The following BAZ2B variants were observed in gnomAD, a reference collection of about 807,000 sequenced individuals.
BAZ2B encodes bromodomain adjacent to zinc finger domain 2B.
BAZ2B carries 91 observed loss-of-function variants against 246.0 expected under a neutral mutation model. The ratio of observed to expected loss-of-function variants is 0.37; its 90% CI spans 0.31 to 0.44. The LOEUF (loss-of-function observed/expected upper bound fraction) is 0.44, where lower values mean the gene tolerates loss of function less well. Among genes scored for constraint, BAZ2B ranks in the 20% least tolerant of loss-of-function variants. The probability of loss-of-function intolerance (pLI) is 1.00; values close to 1 mark genes in which losing one functional copy is unlikely to be tolerated. For missense variants in BAZ2B, 2,332 were observed against 2,533.7 expected, an observed-to-expected ratio of 0.92 and a Z score of 1.71; for synonymous variants, 855 against 860.0, an observed-to-expected ratio of 0.99 and a Z score of 0.10.
intron 6 of BAZ2B, among the ~76,000 whole-genome samples, chr2:159,446,404 T>A (rs1218695345): frequency 6.6e-6 from 1 of 152,220 alleles, no homozygotes; most frequent in African/African-American, 2.4e-5. Flanking sequence ...GTTTTCTTAT[T>A]CACTCTTTTC....
intron 1 of BAZ2B, among the ~76,000 whole-genome samples, chr2:159,557,730 C>T (rs2089363070): frequency 1.3e-5 from 2 of 152,160 alleles, no homozygotes; most frequent in African/African-American, 4.8e-5. Context: ...AGCTAATTAG[C>T]TACTGAATGA....
At chr2:159,354,826 A>C (rs1002205961) in intron 27 of BAZ2B, among the ~76,000 whole-genome samples, 6 of 152,238 alleles carry the variant, frequency 3.9e-5, no homozygotes, top group African/African-American at 1.2e-4. Context: ...AGAAGAAAGA[A>C]GAGGAAGGCA....
At chr2:159,616,707 C>T (rs1320254211), upstream of BAZ2B, 1 of 152,206 alleles carries the variant, frequency 6.6e-6, no homozygotes, top group Non-Finnish European at 1.5e-5. Flanking sequence ...GTTGCTTCTT[C>T]TTTCCAAGAA....
intron 2 of BAZ2B, among the ~76,000 whole-genome samples, chr2:159,503,502 T>C (rs193074809): frequency 6.0e-4 from 91 of 152,342 alleles, no homozygotes; most frequent in African/African-American, 2.0e-3. Context: ...GTTAATCTTG[T>C]GTATTCCCTA....
intron 2 of BAZ2B, among the ~76,000 whole-genome samples, chr2:159,506,160 C>T (rs1300266529): frequency 6.6e-6 from 1 of 152,094 alleles, no homozygotes; most frequent in Non-Finnish European, 1.5e-5. Flanking sequence ...GCAGGACCTC[C>T]ACCCCTCCGA....
chr2:159,363,917 A>G (rs1157123425), intron 27 of BAZ2B, among the ~76,000 whole-genome samples: 1 of 152,138 alleles, frequency 6.6e-6, no homozygotes, highest in East Asian at 1.9e-4. Flanking sequence ...ACACAAACTG[A>G]TAAGATCTAA....
intron 3 of BAZ2B, among the ~76,000 whole-genome samples, chr2:159,455,733 G>C (rs1038667702): frequency 5.1e-5 from 7 of 137,560 alleles, no homozygotes; most frequent in African/African-American, 1.8e-4. Flanking sequence ...TTATCTTTAA[G>C]ACCAGTGATA....
intron 27 of BAZ2B, among the ~76,000 whole-genome samples, chr2:159,367,652 G>A (rs1262961757): frequency 3.3e-5 from 5 of 152,194 alleles, no homozygotes; most frequent in East Asian, 3.9e-4. Context: ...TTGGGAGGCC[G>A]AGGTAGGCAG....
At chr2:159,544,764 G>A (rs780988166) in intron 2 of BAZ2B, among the ~76,000 whole-genome samples, 7 of 152,162 alleles carry the variant, frequency 4.6e-5, no homozygotes, top group Admixed American at 2.0e-4. Flanking sequence ...GTGGCACTTC[G>A]AGAAAAGGAA....
At chr2:159,649,663 T>C in the BAZ2B span, among the ~76,000 whole-genome samples, 1 of 152,034 alleles carries the variant, frequency 6.6e-6, no homozygotes, top group Non-Finnish European at 1.5e-5. Context: ...TGTGAACAAT[T>C]TGATGGTGAC....
At chr2:159,656,055 C>T in the BAZ2B span, among the ~76,000 whole-genome samples, 1 of 151,986 alleles carries the variant, frequency 6.6e-6, no homozygotes, top group African/African-American at 2.4e-5. Flanking sequence ...TGTAGCAACT[C>T]TAAATTCTGT....
At chr2:159,654,199 C>T in the BAZ2B span, among the ~76,000 whole-genome samples, 2 of 152,110 alleles carry the variant, frequency 1.3e-5, no homozygotes, top group East Asian at 1.9e-4. Context: ...CCCAACTGCA[C>T]GGAGTAATAT....
chr2:159,380,551 G>T (rs2061881047), intron 25 of BAZ2B, among the ~76,000 whole-genome samples: 1 of 152,148 alleles, frequency 6.6e-6, no homozygotes, highest in Non-Finnish European at 1.5e-5. Context: ...CCTCTGGAAG[G>T]CCTTCTTACA....
rs560826653 is a variant in BAZ2B at position 159,593,736 on chromosome 2, T to C, written c.-46+22506A>G. ...CTGCCTGTTAGTCACCTAATAGTTG[T>C]CTAGTTATTAGATTGACAAAACATA... On this transcript the variant is annotated intron_variant, in intron 1 of 36. Coordinates refer to ENST00000392783, the MANE Select transcript of BAZ2B (RefSeq NM_013450.4). Among the ~76,000 whole-genome samples the C allele has an allele frequency of 5.3e-5, 8 of 152,322 alleles. No individual in the cohort carries two copies. In the East Asian group the frequency reaches 7.7e-4, roughly 15 times the overall value.
intron 1 of BAZ2B, among the ~76,000 whole-genome samples, chr2:159,603,312 AC>A (rs1266123948): frequency 1.3e-5 from 2 of 152,176 alleles, no homozygotes; most frequent in Non-Finnish European, 2.9e-5. Context: ...AAAAATACAT[AC>A]ATTTTAAAAA....
At chr2:159,332,852 T>C (rs2065009267) in intron 33 of BAZ2B, 166 bp from the exon 34 acceptor site, 3 of 753,170 alleles carry the variant, frequency 4.0e-6, no homozygotes, top group Non-Finnish European at 4.2e-6. Context: ...TACACAGATA[T>C]GGACCACATG....
At chr2:159,398,116 C>T (rs569005099) in intron 18 of BAZ2B, 1 of 152,048 alleles carries the variant, frequency 6.6e-6, no homozygotes, top group South Asian at 2.1e-4. Context: ...TAAACAGTTC[C>T]CTGGCTTTAC....
intron 27 of BAZ2B, among the ~76,000 whole-genome samples, chr2:159,358,012 T>C (rs1017320591): frequency 6.6e-6 from 1 of 152,120 alleles, no homozygotes; most frequent in East Asian, 1.9e-4. Flanking sequence ...TGCAAAAACA[T>C]GCCAAATTGT....
At chr2:159,711,434 G>A in the BAZ2B span, among the ~76,000 whole-genome samples, 1 of 152,040 alleles carries the variant, frequency 6.6e-6, no homozygotes, top group African/African-American at 2.4e-5. Context: ...AATAAAATAA[G>A]GATGATAGTG....
Sources: gnomAD v4.1 joint callset for allele counts (sites outside exome capture counted in the v4.1 genomes callset) on GRCh38, gnomAD v4.1.1 for gene constraint, MANE v1.5 for transcripts, NCBI Gene and HGNC (gene_info 2026-07-23, HGNC 2026-07-21) for gene names.